The following CAMTA1 variants were observed in gnomAD, a reference collection of about 807,000 sequenced individuals.
CAMTA1 encodes the protein calmodulin-binding transcription activator 1.
A neutral mutation model predicts 170.9 loss-of-function variants in CAMTA1; 27 were observed. The observed-to-expected ratio is 0.16, with a 90% CI of 0.12 to 0.22. The LOEUF is 0.22. Ranked by LOEUF, CAMTA1 falls within the 10% of genes least tolerant of loss-of-function variation. The pLI, the probability that CAMTA1 is intolerant of heterozygous loss-of-function variation, is 1.00. For missense variants in CAMTA1, 1,619 were observed against 2,217.2 expected (o/e 0.73, Z 5.42); for synonymous variants, 833 against 891.5 (o/e 0.93, Z 1.17).
At chr1:6,870,571 G>A (rs780837123) in intron 3 of CAMTA1, among the ~76,000 whole-genome samples, 4 of 152,112 alleles carry the variant, frequency 2.6e-5, no homozygotes, top group Non-Finnish European at 5.9e-5. Flanking sequence ...TAATATCTAA[G>A]TGTTTTTGGA....
chr1:6,975,166 G>A (rs748244002), intron 3 of CAMTA1, among the ~76,000 whole-genome samples: 2 of 152,130 alleles, frequency 1.3e-5, no homozygotes, highest in African/African-American at 4.8e-5. Flanking sequence ...GCTGGAAGCC[G>A]AGCATTCCAC....
intron 2 of CAMTA1, among the ~76,000 whole-genome samples, chr1:6,821,062 A>G (rs954089695): frequency 6.6e-6 from 1 of 152,236 alleles, no homozygotes; most frequent in Non-Finnish European, 1.5e-5. Flanking sequence ...GGAAAAAGGT[A>G]AATCTGGGCT....
chr1:7,558,035 A>T (rs993286601), intron 6 of CAMTA1, among the ~76,000 whole-genome samples: 5 of 152,058 alleles, frequency 3.3e-5, no homozygotes, highest in African/African-American at 1.2e-4. Flanking sequence ...CATTCCCGGC[A>T]TCCTGAGGTA....
intron 4 of CAMTA1, among the ~76,000 whole-genome samples, chr1:7,097,844 G>A (rs773481945): frequency 6.6e-6 from 1 of 152,166 alleles, no homozygotes; most frequent in Non-Finnish European, 1.5e-5. Context: ...CCAAGGGCTG[G>A]GGTGGAGGGA....
At chr1:7,073,726 A>C (rs1638940989) in intron 3 of CAMTA1, among the ~76,000 whole-genome samples, 1 of 152,212 alleles carries the variant, frequency 6.6e-6, no homozygotes, top group Admixed American at 6.5e-5. Flanking sequence ...ATCATTGATG[A>C]CCTTGACAAC....
chr1:7,655,678 TACAC>T (rs2095896491), intron 7 of CAMTA1, among the ~76,000 whole-genome samples: 4 of 131,348 alleles, frequency 3.0e-5, no homozygotes. Flanking sequence ...CACACACTGA[TACAC>T]ACCTATACAC....
chr1:7,281,799 T>TTG (rs57489369), intron 5 of CAMTA1, among the ~76,000 whole-genome samples: 28,771 of 138,780 alleles, frequency 0.21, 2,877 homozygotes, highest in Middle Eastern at 0.27. Context: ...GGGAAAGAAA[T>TTG]TGTGTGTGTG....
At chr1:7,624,579 G>A (rs2095620830) in intron 6 of CAMTA1, among the ~76,000 whole-genome samples, 1 of 152,188 alleles carries the variant, frequency 6.6e-6, no homozygotes, top group South Asian at 2.1e-4. Context: ...GTGGGTGGTG[G>A]GTGTGCTGGC....
intron 6 of CAMTA1, among the ~76,000 whole-genome samples, chr1:7,629,793 C>T (rs1458950878): frequency 6.6e-6 from 1 of 152,128 alleles, no homozygotes; most frequent in Non-Finnish European, 1.5e-5. Flanking sequence ...CTGCCCTCCT[C>T]TCCAGGCTGG....
intron 3 of CAMTA1, among the ~76,000 whole-genome samples, chr1:6,908,155 C>A (rs1373921192): frequency 6.6e-6 from 1 of 152,198 alleles, no homozygotes; most frequent in Non-Finnish European, 1.5e-5. Flanking sequence ...GAAGACATCC[C>A]ATCCCCTTCT....
At chr1:7,187,477 A>G (rs1380028834) in intron 4 of CAMTA1, among the ~76,000 whole-genome samples, 2 of 152,134 alleles carry the variant, frequency 1.3e-5, no homozygotes, top group African/African-American at 4.8e-5. Context: ...TCAATCCTAT[A>G]TTTGTCTCCC....
chr1:7,075,930 TG>T (rs754591696), intron 3 of CAMTA1, among the ~76,000 whole-genome samples: 1 of 152,198 alleles, frequency 6.6e-6, no homozygotes, highest in Non-Finnish European at 1.5e-5. Context: ...CCCAAAGTGC[TG>T]GGATTATAGG....
intron 4 of CAMTA1, among the ~76,000 whole-genome samples, chr1:7,222,872 C>T (rs1367504033): frequency 6.6e-6 from 1 of 152,256 alleles, no homozygotes; most frequent in African/African-American, 2.4e-5. Context: ...GCTTCCTCTT[C>T]TACGTGGGTA....
chr1:7,017,056 C>G (rs1482228962), intron 3 of CAMTA1, among the ~76,000 whole-genome samples: 1 of 152,162 alleles, frequency 6.6e-6, no homozygotes, highest in Non-Finnish European at 1.5e-5. Context: ...TTACACCCCA[C>G]CACTGGGAGT....
intron 22 of CAMTA1, among the ~76,000 whole-genome samples, chr1:7,760,530 G>A (rs1041245914): frequency 1.1e-4 from 16 of 152,222 alleles, no homozygotes; most frequent in Non-Finnish European, 2.1e-4. Context: ...GAAGTAAGAC[G>A]TGAATGTGGG....
At chr1:7,711,013 C>A (rs575561497) in intron 11 of CAMTA1, among the ~76,000 whole-genome samples, 1 of 152,150 alleles carries the variant, frequency 6.6e-6, no homozygotes, top group Non-Finnish European at 1.5e-5. Context: ...CCACCTAAAC[C>A]GGGTGCAGTT....
chr1:7,126,264 C>T (rs1359070594), intron 4 of CAMTA1, among the ~76,000 whole-genome samples: 2 of 152,106 alleles, frequency 1.3e-5, no homozygotes, highest in Non-Finnish European at 2.9e-5. Flanking sequence ...CCAGCAGTCC[C>T]GCAAACCTAA....
chr1:7,244,693 AG>A (rs1156442391), intron 4 of CAMTA1, among the ~76,000 whole-genome samples: 1 of 151,456 alleles, frequency 6.6e-6, no homozygotes, highest in African/African-American at 2.4e-5. Flanking sequence ...CTGAACAATG[AG>A]AGCCCATGGA....
rs1346949320 is a variant in CAMTA1 at position 7,050,163 on chromosome 1, G to A, written c.235-41141G>A. ...AGAGGACGTGGAAGGAGGTGAGGCC[G>A]GGGAAGTGACCGGCAGGGCCACGGA... On this transcript the variant is annotated intron_variant, in intron 3 of 22. Coordinates refer to ENST00000303635, the MANE Select transcript of CAMTA1 (RefSeq NM_015215.4). The surrounding 1 kb of genome is among the most constrained non-coding windows in gnomAD (Gnocchi z 4.8). 6.6e-6 allele frequency among the ~76,000 whole-genome samples: 1 copy of A among 152,194 alleles called. No individual in the cohort carries two copies. Among genetic ancestry groups the A allele is most frequent in the East Asian group, 1.9e-4 (1 of 5,198 alleles).
Sources: gnomAD v4.1 joint callset for allele counts (sites outside exome capture counted in the v4.1 genomes callset) on GRCh38, gnomAD v4.1.1 for gene constraint, Gnocchi (gnomAD v3.1) non-coding constraint, MANE v1.5 for transcripts, NCBI Gene and HGNC (gene_info 2026-07-23, HGNC 2026-07-21) for gene names.